Variants in TTC6 observed in about 807,000 individuals in gnomAD.
TTC6 encodes the protein tetratricopeptide repeat domain 6, also known as tetratricopeptide repeat protein 6.
A neutral mutation model predicts 210.4 loss-of-function variants in TTC6; 172 were observed. That is an observed-to-expected ratio of 0.82 (90% CI 0.72 to 0.93). The LOEUF (loss-of-function observed/expected upper bound fraction) is 0.93, where lower values mean the gene tolerates loss of function less well. TTC6 is among the 40% of genes least tolerant of loss of function. The probability of loss-of-function intolerance (pLI) is 0.00; values close to 1 mark genes in which losing one functional copy is unlikely to be tolerated. For synonymous variants in TTC6, 804 were observed against 819.6 expected, an observed-to-expected ratio of 0.98 and a Z score of 0.32; for missense variants, 2,414 against 2,318.1, an observed-to-expected ratio of 1.04 and a Z score of -0.85.
intron 1 of TTC6, among the ~76,000 whole-genome samples, chr14:37,675,537 A>G (rs1957587): frequency 0.94 from 142,294 of 152,126 alleles, 66,637 homozygotes; most frequent in East Asian, 1. Context: ...TATAGCATCA[A>G]TGTACAAATA....
At chr14:37,732,372 A>G (rs2095889236) in intron 7 of TTC6, among the ~76,000 whole-genome samples, 1 of 151,158 alleles carries the variant, frequency 6.6e-6, no homozygotes, top group South Asian at 2.1e-4. Flanking sequence ...TTTAGTACAG[A>G]TGGGGTTTCA....
chr14:37,767,207 C>T (rs562149053), intron 14 of TTC6, among the ~76,000 whole-genome samples: 1 of 152,264 alleles, frequency 6.6e-6, no homozygotes, highest in South Asian at 2.1e-4. Context: ...CATTGTTGGA[C>T]ATTTGGGTTG....
intron 20 of TTC6, among the ~76,000 whole-genome samples, chr14:37,798,653 T>C (rs973252896): frequency 1.3e-5 from 2 of 152,064 alleles, no homozygotes; most frequent in Admixed American, 1.3e-4. Context: ...CTAAAACTAG[T>C]GACAAAGACA....
In TTC6 at chr14:37,651,419, ATATATATTTTTTTTTTTTT is replaced by A. The variant is rs1474687077; in HGVS notation, c.939+28418_939+28436del. On this transcript the variant is annotated intron_variant, in intron 1 of 30. Transcript: ENST00000553443. ...TATATATATATATATATATATATAT[ATATATATTTTTTTTTTTTT>A]TTTTTTTTTTTTTTTCCATCCATGA... 6.8e-4 allele frequency among the ~76,000 whole-genome samples: 14 copies of A among 20,706 alleles called. No individual in the cohort carries two copies. In the East Asian group the frequency reaches 0.015, roughly 22 times the overall value. The allele number at this position is 20,706 out of a possible 152,430, so 13.6% of individuals were successfully genotyped here.
rs191376435 is a variant in TTC6, at chr14:37,751,045, T to A, written c.2957-8T>A. On this transcript the variant is annotated splice_region_variant and splice_polypyrimidine_tract_variant and intron_variant, in intron 12 of 30. Coordinates refer to ENST00000553443, the Ensembl canonical transcript of TTC6. ...AACTCCAAATTTTATCTTTTTAATT[T>A]TCTTTAGAGGCATATTTGTCAAAAG... is the stretch of plus-strand genomic sequence containing the variant. 6.7e-7 allele frequency: 1 copy of A among 1,502,172 alleles called. No homozygotes were observed. The highest frequency in any genetic ancestry group is 1.4e-5 in the African/African-American group (1 of 71,800). The allele number at this position is 1,502,172 out of a possible 1,614,324, so 93.1% of individuals were successfully genotyped here.
chr14:37,760,644 C>G (rs1247156584), intron 14 of TTC6, among the ~76,000 whole-genome samples: 1 of 152,150 alleles, frequency 6.6e-6, no homozygotes. Flanking sequence ...GTGCTCTGTC[C>G]CAGGGAGATG....
intron 7 of TTC6, among the ~76,000 whole-genome samples, chr14:37,730,224 G>A (rs1258172361): frequency 6.6e-6 from 1 of 152,090 alleles, no homozygotes; most frequent in African/African-American, 2.4e-5. Flanking sequence ...TTTGTTTGAT[G>A]CTGTCTTTTT....
chr14:37,756,286 G>A (rs1341349388), intron 14 of TTC6, among the ~76,000 whole-genome samples: 3 of 152,112 alleles, frequency 2.0e-5, no homozygotes, highest in South Asian at 2.1e-4. Flanking sequence ...CAATCATGTC[G>A]TCTGCAAACA....
At chr14:37,656,542 CGT>C (rs1566867770) in intron 1 of TTC6, among the ~76,000 whole-genome samples, 2 of 129,562 alleles carry the variant, frequency 1.5e-5, no homozygotes, top group Admixed American at 7.8e-5. Flanking sequence ...TGTGTGTGTG[CGT>C]GTGTGTGTGT....
Position 37,782,481 on chromosome 14 carries a change from T to C in TTC6, c.3267-4987T>C, listed in dbSNP as rs556106746. 2.1e-4 allele frequency among the ~76,000 whole-genome samples: 32 copies of C among 152,314 alleles called. No individual in the cohort carries two copies. The South Asian group carries it at 6.4e-3, about 31-fold the overall frequency. On this transcript the variant is annotated intron_variant, in intron 14 of 30. Transcript: ENST00000553443. Reference sequence around the variant, plus strand: ...GTGATTTTTGCACATTGATTTTGTATCCTGAGACTTTGCTGAAGTTGCTTA... The same window carrying C: ...GTGATTTTTGCACATTGATTTTGTACCCTGAGACTTTGCTGAAGTTGCTTA...
At chr14:37,701,436 C>G in exon 5 of TTC6, 1 of 1,533,850 alleles carries the variant, frequency 6.5e-7, no homozygotes, top group Middle Eastern at 1.7e-4. Flanking sequence ...GTGTATCACA[C>G]TGCTAACAGG....
At chr14:37,818,066 A>AT (rs1015993496) in intron 26 of TTC6, among the ~76,000 whole-genome samples, 30 of 152,186 alleles carry the variant, frequency 2.0e-4, no homozygotes, top group African/African-American at 7.2e-4. Flanking sequence ...AGAAAGGGTG[A>AT]TTTTTAAAAA....
At chr14:37,728,783 A>G (rs2095878906) in intron 7 of TTC6, among the ~76,000 whole-genome samples, 1 of 152,138 alleles carries the variant, frequency 6.6e-6, no homozygotes, top group Non-Finnish European at 1.5e-5. Context: ...CAGAGTGGCA[A>G]GGGCTATTAC....
At chr14:37,841,012 G>C (rs1433326597) in intron 29 of TTC6, among the ~76,000 whole-genome samples, 1 of 152,046 alleles carries the variant, frequency 6.6e-6, no homozygotes, top group Non-Finnish European at 1.5e-5. Context: ...GGGATTACAG[G>C]TGCCTGCCAC....
chr14:37,601,617 C>G (rs2095615775), intron 1 of TTC6, among the ~76,000 whole-genome samples: 1 of 152,190 alleles, frequency 6.6e-6, no homozygotes, highest in Non-Finnish European at 1.5e-5. Flanking sequence ...GGGAAAGATG[C>G]CCTGGCACAG....
intron 3 of TTC6, among the ~76,000 whole-genome samples, chr14:37,692,348 C>G (rs947176340): frequency 6.6e-6 from 1 of 150,860 alleles, no homozygotes; most frequent in African/African-American, 2.4e-5. Context: ...TCATTCATGA[C>G]AAAGTGGGAT....
chr14:37,649,738 C>G (rs2095707836), intron 1 of TTC6, among the ~76,000 whole-genome samples: 1 of 152,138 alleles, frequency 6.6e-6, no homozygotes, highest in Non-Finnish European at 1.5e-5. Flanking sequence ...ACAACTATCT[C>G]TTTAGCCTCT....
chr14:37,789,309 T>C (rs2096074162), intron 15 of TTC6, among the ~76,000 whole-genome samples: 1 of 145,296 alleles, frequency 6.9e-6, no homozygotes, highest in African/African-American at 2.6e-5. Flanking sequence ...AGAGGTTAAA[T>C]AATATTTTTT....
In TTC6 at chr14:37,757,346, C is replaced by CG. The variant is rs758992886; in HGVS notation, c.3266+4112dup. On this transcript the variant is annotated intron_variant, in intron 14 of 30. Transcript: ENST00000553443. ...CTCGATCTTGGTTCACTGCAAGCTC[C>CG]GCCTCCCAGGTTCATGCCATTCTCC... 7.2e-5 allele frequency among the ~76,000 whole-genome samples: 11 copies of CG among 152,074 alleles called. No individual in the cohort carries two copies. The South Asian group carries it at 8.3e-4, about 11-fold the overall frequency.
Sources: gnomAD v4.1 joint callset for allele counts (sites outside exome capture counted in the v4.1 genomes callset) on GRCh38, gnomAD v4.1.1 for gene constraint, MANE v1.5 for transcripts, NCBI Gene and HGNC (gene_info 2026-07-23, HGNC 2026-07-21) for gene names.